ADGRV1: variants seen among roughly 807,000 people sequenced by gnomAD.
ADGRV1 encodes G-protein coupled receptor 98.
In ADGRV1, 359 loss-of-function variants were observed where a neutral mutation model predicts 596.2. The observed-to-expected ratio is 0.60, with a 90% CI of 0.55 to 0.66. ADGRV1 has a LOEUF of 0.66. ADGRV1 is among the 30% of genes least tolerant of loss of function. The pLI, the probability that ADGRV1 is intolerant of heterozygous loss-of-function variation, is 0.00. For synonymous variants in ADGRV1, 2,681 were observed against 2,679.2 expected (o/e 1.00, Z -0.02); for missense variants, 7,274 against 7,575.6 (o/e 0.96, Z 1.48).
At chr5:90,583,218 A>G (rs186675179) in intron 1 of ADGRV1, among the ~76,000 whole-genome samples, 1 of 152,150 alleles carries the variant, frequency 6.6e-6, no homozygotes, top group Admixed American at 6.5e-5. Context: ...AGACCTTAGT[A>G]TAATATATGA....
chr5:90,967,552 G>A (rs1362828636), intron 84 of ADGRV1, among the ~76,000 whole-genome samples: 1 of 152,164 alleles, frequency 6.6e-6, no homozygotes, highest in South Asian at 2.1e-4. Context: ...CCTGTATTGA[G>A]GTCCCCAGTG....
In ADGRV1 at chr5:90,654,120, T is replaced by C. The variant is rs536763898; in HGVS notation, c.4378+168T>C. On this transcript the variant is annotated intron_variant, in intron 20 of 89. Coordinates refer to ENST00000405460, the MANE Select transcript of ADGRV1 (RefSeq NM_032119.4). ...TGCCTACCAAGATAATGAGAAATTCTGTCCTGAGTGTTACAGAAATGAATC... is the reference window on the plus strand; with the variant it reads ...TGCCTACCAAGATAATGAGAAATTCCGTCCTGAGTGTTACAGAAATGAATC... The C allele has an allele frequency of 1.5e-5, 11 of 724,964 alleles. No homozygotes were observed. The South Asian group carries it at 2.0e-4, about 13-fold the overall frequency. The allele number at this position is 724,964 out of a possible 1,614,324, so 44.9% of individuals were successfully genotyped here.
rs1780398775 is a variant in ADGRV1, at chr5:90,985,332, T to C, written c.17974-12T>C. The C allele has an allele frequency of 6.3e-7, 1 of 1,584,466 alleles. No individual in the cohort carries two copies. The highest frequency in any genetic ancestry group is 1.2e-5 in the South Asian group (1 of 85,288). On this transcript the variant is annotated splice_polypyrimidine_tract_variant and intron_variant, in intron 84 of 89. Coordinates refer to ENST00000405460, the MANE Select transcript of ADGRV1 (RefSeq NM_032119.4). ...GAAGAGCCTGTTCATTTTATGTTGT[T>C]TTCTTCCTTAGTCTGTGAATTTCTG... is the stretch of plus-strand genomic sequence containing the variant.
intron 20 of ADGRV1, chr5:90,655,083 T>C (rs1769210328): frequency 6.6e-6 from 1 of 152,232 alleles, no homozygotes; most frequent in Admixed American, 6.5e-5. Context: ...GTATGCATAT[T>C]GTAAGTGTAC....
rs185246139 is a variant in ADGRV1 at position 90,814,479 on chromosome 5, T to C, written c.16079-1140T>C. 8.5e-5 allele frequency among the ~76,000 whole-genome samples: 13 copies of C among 152,266 alleles called. No individual in the cohort carries two copies. The East Asian group carries it at 2.5e-3, about 29-fold the overall frequency. Reference sequence around the variant, plus strand: ...TCCCCACTCAATTTTCATCTCCAGTTGTAATCCCCCAAATCCCCATGTGTC... The same window carrying C: ...TCCCCACTCAATTTTCATCTCCAGTCGTAATCCCCCAAATCCCCATGTGTC... On this transcript the variant is annotated intron_variant, in intron 74 of 89. Coordinates refer to ENST00000405460, the MANE Select transcript of ADGRV1 (RefSeq NM_032119.4).
At chr5:90,968,280 G>A (rs972845757) in intron 84 of ADGRV1, among the ~76,000 whole-genome samples, 2 of 152,188 alleles carry the variant, frequency 1.3e-5, no homozygotes, top group African/African-American at 4.8e-5. Context: ...TAAAAGTAGA[G>A]TAAATTCAAT....
chr5:90,643,970 T>A lies in ADGRV1; in HGVS notation c.2721T>A (p.Asp907Glu). Residue 907 changes from aspartate to glutamate, a missense_variant, in exon 14 of 90, where the codon GAT becomes GAA. Asp to Glu is a conservative substitution (Grantham distance 45). Around this residue, in one of 5 missense-constraint regions of ADGRV1, gnomAD observed 1,715 missense variants for 1,708.8 expected, o/e 1.00. Transcript: ENST00000405460. ...LIVMINESKG[D>E]AIYSAVYDVV... is the part of the protein sequence containing the mutation. ...TGATGATAAATGAAAGCAAAGGAGATGCTATCTATAGTGGTAATTTATTCT... is the reference window on the plus strand; with the variant it reads ...TGATGATAAATGAAAGCAAAGGAGAAGCTATCTATAGTGGTAATTTATTCT... The A allele has an allele frequency of 6.2e-7, 1 of 1,601,496 alleles. No individual in the cohort carries two copies.
chr5:90,644,641 C>T, intron 14 of ADGRV1, 65 bp from the exon 15 acceptor site: 1 of 1,271,698 alleles, frequency 7.9e-7, no homozygotes, highest in Middle Eastern at 1.9e-4. Context: ...TAACCGATTT[C>T]TTTACTCATC....
At chr5:90,621,781 T>C (rs1254151525) in intron 4 of ADGRV1, among the ~76,000 whole-genome samples, 1 of 152,156 alleles carries the variant, frequency 6.6e-6, no homozygotes, top group Non-Finnish European at 1.5e-5. Flanking sequence ...ATAGGCTGGC[T>C]TTGCTTTTCA....
chr5:90,847,815 G>C (rs373288340), intron 78 of ADGRV1, among the ~76,000 whole-genome samples: 1 of 150,516 alleles, frequency 6.6e-6, no homozygotes, highest in East Asian at 1.9e-4. Flanking sequence ...GCTGGCCCTG[G>C]TTCCCGCCCT....
chr5:90,781,331 T>A, intron 64 of ADGRV1, 99 bp from the exon 65 acceptor site: 1 of 855,694 alleles, frequency 1.2e-6, no homozygotes, highest in Non-Finnish European at 1.9e-6. Flanking sequence ...TAGAACTAAG[T>A]TGTAGGAGCT....
chr5:90,937,423 ATTTATTGTATC>A (rs1341183978), intron 83 of ADGRV1, among the ~76,000 whole-genome samples: 1 of 144,686 alleles, frequency 6.9e-6, no homozygotes, highest in African/African-American at 2.5e-5. Context: ...AAGTTATCCC[ATTTATTGTATC>A]TTTTAATTGC....
intron 1 of ADGRV1, among the ~76,000 whole-genome samples, chr5:90,566,007 A>AT (rs1177295160): frequency 6.6e-6 from 1 of 151,714 alleles, no homozygotes; most frequent in Non-Finnish European, 1.5e-5. Flanking sequence ...TAAAAATAGG[A>AT]TTTTGTTTTT....
intron 87 of ADGRV1, among the ~76,000 whole-genome samples, chr5:91,114,483 C>T (rs1216017193): frequency 6.6e-6 from 1 of 152,178 alleles, no homozygotes. Flanking sequence ...GCCAAGATCA[C>T]ACCACTGCAC....
Position 90,802,837 on chromosome 5 carries a change from A to G in ADGRV1, c.14616A>G (p.Ala4872=), listed in dbSNP as rs886044301. ...GAATGCCAACAATTCTTCAGGAAGC[A>G]AAATCTGCTGTCCTTCCAGTCTCTG... ...FYGMPTILQE[A]KSAVLPVSEK... is the part of the protein sequence containing the mutation. The change falls in exon 71 of 90, where the codon GCA becomes GCG. Residue 4872 remains alanine (A), a synonymous_variant. Coordinates refer to ENST00000405460, the MANE Select transcript of ADGRV1 (RefSeq NM_032119.4). 1.2e-6 allele frequency: 2 copies of G among 1,611,082 alleles called. No individual in the cohort carries two copies. Among genetic ancestry groups the G allele is most frequent in the South Asian group, 2.2e-5 (2 of 90,128 alleles).
intron 85 of ADGRV1, among the ~76,000 whole-genome samples, chr5:91,035,879 A>G (rs1205731816): frequency 7.3e-6 from 1 of 136,786 alleles, no homozygotes; most frequent in African/African-American, 2.7e-5. Flanking sequence ...ATATATATAT[A>G]TATCTTACAA....
At chr5:91,156,876 C>T (rs1796523815) in intron 89 of ADGRV1, among the ~76,000 whole-genome samples, 1 of 152,202 alleles carries the variant, frequency 6.6e-6, no homozygotes, top group South Asian at 2.1e-4. Flanking sequence ...CCAGATTCAG[C>T]CCAACAAAGT....
intron 83 of ADGRV1, among the ~76,000 whole-genome samples, chr5:90,953,042 T>C (rs1777178677): frequency 6.6e-6 from 1 of 152,168 alleles, no homozygotes; most frequent in Admixed American, 6.5e-5. Flanking sequence ...TTGGACCAAG[T>C]GTACGGGAAC....
At chr5:90,986,193 A>G (rs74911922) in intron 85 of ADGRV1, among the ~76,000 whole-genome samples, 5,641 of 150,522 alleles carry the variant, frequency 0.037, 361 homozygotes, top group African/African-American at 0.13. Flanking sequence ...TAATAGCTCC[A>G]CATGTAGGGG....
Sources: gnomAD v4.1 joint callset for allele counts (sites outside exome capture counted in the v4.1 genomes callset) on GRCh38, gnomAD v4.1.1 for gene constraint, gnomAD v4.1.1 regional missense constraint, MANE v1.5 for transcripts, NCBI Gene and HGNC (gene_info 2026-07-23, HGNC 2026-07-21) for gene names.